The following OR2I1 variants were observed in gnomAD, a reference collection of about 807,000 sequenced individuals.
The protein encoded by OR2I1 is olfactory receptor family 2 subfamily I member 1 (gene/pseudogene).
chr6:29,551,892 T>A, the OR2I1 span, among the ~76,000 whole-genome samples: 2 of 152,198 alleles, frequency 1.3e-5, no homozygotes, highest in African/African-American at 2.4e-5. Context: ...ATAAAATGAG[T>A]GAAACATAAA....
chr6:29,556,527 C>T, the OR2I1 span: 3 of 569,994 alleles, frequency 5.3e-6, no homozygotes, highest in Admixed American at 9.3e-5. Flanking sequence ...AGTTACAACA[C>T]AAATAAGATA....
the OR2I1 span, chr6:29,556,621 G>A: frequency 3.0e-5 from 14 of 466,634 alleles, no homozygotes; most frequent in East Asian, 2.4e-4. Context: ...CCAACTGAAC[G>A]GACGCTCTTT....
chr6:29,557,338 T>C, the OR2I1 span: 5 of 152,206 alleles, frequency 3.3e-5, no homozygotes, highest in Middle Eastern at 3.2e-3. Flanking sequence ...ACAGTTTTAA[T>C]TGGACAAAAG....
At chr6:29,556,335 C>T in the OR2I1 span, 16 of 1,611,642 alleles carry the variant, frequency 9.9e-6, no homozygotes, top group South Asian at 5.5e-5. Context: ...TCCCATTCCT[C>T]GGAACGGACA....
the OR2I1 span, chr6:29,554,938 A>C: frequency 6.6e-6 from 1 of 152,238 alleles, no homozygotes; most frequent in Non-Finnish European, 1.5e-5. Flanking sequence ...TCTCCTCATG[A>C]AAAAAAGAAG....
At chr6:29,556,294 G>A in the OR2I1 span, 1 of 1,613,028 alleles carries the variant, frequency 6.2e-7, no homozygotes, top group South Asian at 1.1e-5. Flanking sequence ...TTTTCACGCT[G>A]TCATATGGGT....
At chr6:29,554,476 C>A in the OR2I1 span, 1 of 239,786 alleles carries the variant, frequency 4.2e-6, no homozygotes, top group Non-Finnish European at 7.9e-6. Context: ...CCATGGAAGA[C>A]CTCTTGGTCT....
the OR2I1 span, chr6:29,555,978 A>G: frequency 6.2e-7 from 1 of 1,613,040 alleles, no homozygotes; most frequent in Non-Finnish European, 8.5e-7. Flanking sequence ...TTTCCATTGC[A>G]AGTCACAATC....
At chr6:29,552,642 A>G in the OR2I1 span, among the ~76,000 whole-genome samples, 1 of 152,174 alleles carries the variant, frequency 6.6e-6, no homozygotes, top group Non-Finnish European at 1.5e-5. Context: ...TTTTAGGACA[A>G]ATAGATAAAA....
the OR2I1 span, chr6:29,554,769 G>A: frequency 6.6e-6 from 1 of 152,186 alleles, no homozygotes; most frequent in Non-Finnish European, 1.5e-5. Context: ...ACTAGGATGA[G>A]TGTGGAAGAA....
the OR2I1 span, chr6:29,550,732 T>C: frequency 6.6e-6 from 1 of 152,134 alleles, no homozygotes; most frequent in Non-Finnish European, 1.5e-5. Context: ...AGCTATGCAA[T>C]TGCATCTTTT....
At chr6:29,557,081 G>A in the OR2I1 span, 16 of 152,232 alleles carry the variant, frequency 1.1e-4, no homozygotes, top group African/African-American at 3.9e-4. Context: ...ATAAGACTGA[G>A]AGAATGGATT....
the OR2I1 span, chr6:29,553,508 C>T: frequency 5.0e-6 from 2 of 398,542 alleles, no homozygotes; most frequent in Non-Finnish European, 8.8e-6. Context: ...AGCCACTGCA[C>T]GGCCCAGCTG....
the OR2I1 span, chr6:29,556,060 C>T: frequency 5.6e-6 from 9 of 1,613,022 alleles, no homozygotes; most frequent in African/African-American, 8.0e-5. Flanking sequence ...TGGACCTTCG[C>T]ACCTGGAGGA....
chr6:29,553,188 C>A, the OR2I1 span: 5 of 398,560 alleles, frequency 1.3e-5, no homozygotes, highest in Non-Finnish European at 2.2e-5. Flanking sequence ...TTTTTTATTT[C>A]GACCTTCCAA....
the OR2I1 span, chr6:29,554,834 TGAGA>T: frequency 6.6e-6 from 1 of 151,610 alleles, no homozygotes; most frequent in East Asian, 1.9e-4. Flanking sequence ...TAGTGAGTCA[TGAGA>T]GAGAGAGCAA....
the OR2I1 span, chr6:29,556,429 C>T: frequency 1.0e-6 from 1 of 999,892 alleles, no homozygotes; most frequent in Non-Finnish European, 1.5e-6. Context: ...CAATGGCTCC[C>T]CCTCTTCCAC....
At chr6:29,555,905 A>G in the OR2I1 span, 2 of 1,613,062 alleles carry the variant, frequency 1.2e-6, no homozygotes, top group Non-Finnish European at 1.7e-6. Flanking sequence ...ATAACATGCC[A>G]GGAAGAGTAA....
At chr6:29,553,607 G>T in the OR2I1 span, 1 of 398,356 alleles carries the variant, frequency 2.5e-6, no homozygotes, top group Non-Finnish European at 4.4e-6. Flanking sequence ...CGCCCGCTGC[G>T]CTATGCGGGG....
Sources: gnomAD v4.1 joint callset for allele counts (sites outside exome capture counted in the v4.1 genomes callset) on GRCh38, gnomAD v4.1.1 for gene constraint, MANE v1.5 for transcripts, NCBI Gene and HGNC (gene_info 2026-07-23, HGNC 2026-07-21) for gene names.